The following CCHCR1 variants were observed in gnomAD, a reference collection of about 807,000 sequenced individuals.
CCHCR1 encodes the protein coiled-coil alpha-helical rod protein 1.
CCHCR1 carries 91 observed loss-of-function variants against 114.6 expected under a neutral mutation model. The ratio of observed to expected loss-of-function variants is 0.79; its 90% confidence interval spans 0.67 to 0.94. The LOEUF is 0.94. Ranked by LOEUF, CCHCR1 falls within the 40% of genes least tolerant of loss-of-function variation. CCHCR1 has a pLI of 0.00. For synonymous variants in CCHCR1, 379 were observed against 428.5 expected (o/e 0.88, Z 1.43); for missense variants, 899 against 1,079.9 (o/e 0.83, Z 2.35).
Position 31,145,086 on chromosome 6 carries a change from G to A in CCHCR1, c.1877-13C>T. On this transcript the variant is annotated splice_polypyrimidine_tract_variant and intron_variant, in intron 13 of 17. Transcript: ENST00000396268. ...CGCTCTGCCTCCCCTAAAAGGAGGG[G>A]GTGCTGGGTCAGGCCTCTCCCAGCA... 6.3e-7 allele frequency: 1 copy of A among 1,599,512 alleles called. No individual in the cohort carries two copies. The highest frequency in any genetic ancestry group is 2.2e-5 in the East Asian group (1 of 44,752).
chr6:31,152,295 A>AC (rs1172221324), intron 4 of CCHCR1, among the ~76,000 whole-genome samples: 4 of 151,844 alleles, frequency 2.6e-5, no homozygotes, highest in African/African-American at 9.7e-5. Context: ...AAAAAAAAAA[A>AC]AACAACCTTT....
Position 31,150,686 on chromosome 6 carries a change from T to G in CCHCR1, c.1101+39A>C. 1 of 1,605,498 alleles carries G rather than the reference T, an allele frequency of 6.2e-7. No individual in the cohort carries two copies. Among genetic ancestry groups the G allele is most frequent in the Non-Finnish European group, 8.5e-7 (1 of 1,175,632 alleles). On this transcript the variant is annotated intron_variant, in intron 6 of 17. Coordinates refer to ENST00000396268, the MANE Select transcript of CCHCR1 (RefSeq NM_001105564.2). This position sits in a 1 kb window ranked among gnomAD's most constrained non-coding sequence, Gnocchi z 5.3. Reference sequence around the variant, plus strand: ...GGGCCACGCTTGCCTCCCAACCTGATCCCTAAGTCTGCACACAGATACATT... The same window carrying G: ...GGGCCACGCTTGCCTCCCAACCTGAGCCCTAAGTCTGCACACAGATACATT...
chr6:31,142,744 C>T, intron 17 of CCHCR1, 28 bp from the exon 18 acceptor site: 1 of 1,595,040 alleles, frequency 6.3e-7, no homozygotes. Context: ...AGATGAGCAC[C>T]AGACAAGGGA....
In CCHCR1 at chr6:31,157,520, A is replaced by G; in HGVS notation, c.81T>C (p.Cys27=). ...GKDPRVMACW[C]LDGLPSGLAE... Reference sequence around the variant, plus strand: ...CAAGGCCTGAGGGAAGCCCATCCAGACACCAGCAGGCCATGACTCTTGGGT... The same window carrying G: ...CAAGGCCTGAGGGAAGCCCATCCAGGCACCAGCAGGCCATGACTCTTGGGT... Residue 27 remains cysteine (C), a synonymous_variant, in exon 1 of 18, where the codon TGT becomes TGC. Coordinates refer to ENST00000396268, the MANE Select transcript of CCHCR1 (RefSeq NM_001105564.2). 1 of 1,612,984 alleles carries G rather than the reference A, an allele frequency of 6.2e-7. No individual in the cohort carries two copies. The highest frequency in any genetic ancestry group is 8.5e-7 in the Non-Finnish European group (1 of 1,180,014).
At chr6:31,145,384 G>C in intron 12 of CCHCR1, 64 bp downstream of exon 12, 1 of 1,612,664 alleles carries the variant, frequency 6.2e-7, no homozygotes, top group Non-Finnish European at 8.5e-7. Flanking sequence ...AGTCCTCATG[G>C]TTTTGGGGGT....
intron 9 of CCHCR1, 52 bp from the exon 10 acceptor site, chr6:31,148,563 C>T: frequency 1.9e-6 from 3 of 1,595,704 alleles, no homozygotes; most frequent in South Asian, 1.1e-5. Context: ...CTGGCTGCAG[C>T]CCCGGAACAG....
rs757613605 is a variant in CCHCR1, at chr6:31,157,392, C to T, written c.209G>A (p.Arg70Lys). The T allele has an allele frequency of 1.9e-6, 3 of 1,612,592 alleles. No individual in the cohort carries two copies. The highest frequency in any genetic ancestry group is 2.5e-6 in the Non-Finnish European group (3 of 1,179,590). Residue 70 changes from arginine (R) to lysine (K), a missense_variant, in exon 1 of 18, where the codon AGG (arginine) becomes AAG (lysine). Coordinates refer to ENST00000396268, the MANE Select transcript of CCHCR1 (RefSeq NM_001105564.2). ...ARSSRDHRNL[R>K]RRGNIDGWRQ... ...TCTGGGCAGTGCCTCTACCCTCCTC[C>T]TTAAGTTTCTATGGTCCCTGCTGCT...
At position 31,150,604 on chromosome 6, in the gene CCHCR1, A is replaced by G. The variant is rs775348569; in HGVS notation, c.1102-39T>C. ...AAAGCAGCCCCTCTGTAGGGCCTCC[A>G]TGCCGCCTTAGGTACCACCTTCTCT... On this transcript the variant is annotated intron_variant, in intron 6 of 17. Coordinates refer to ENST00000396268, the MANE Select transcript of CCHCR1 (RefSeq NM_001105564.2). The surrounding 1 kb of genome is among the most constrained non-coding windows in gnomAD (Gnocchi z 5.3). The G allele has an allele frequency of 6.9e-6, 11 of 1,596,082 alleles. No homozygotes were observed. The highest frequency in any genetic ancestry group is 8.6e-6 in the Non-Finnish European group (10 of 1,168,340).
At position 31,145,446 on chromosome 6, in the gene CCHCR1, A is replaced by C. The variant is rs1199795235; in HGVS notation, c.1739+2T>G. 1 of 1,613,866 alleles carries C rather than the reference A, an allele frequency of 6.2e-7. No homozygotes were observed. The highest frequency in any genetic ancestry group is 8.5e-7 in the Non-Finnish European group (1 of 1,179,990). ...ATCCACCTCAAAGTGCCCAAACTTC[A>C]CCTCTCCTGGCGCAGCTGAGCAAGG... On this transcript the variant is annotated splice_donor_variant, in intron 12 of 17. Transcript: ENST00000396268. LOFTEE classifies it high-confidence loss of function.
intron 4 of CCHCR1, among the ~76,000 whole-genome samples, chr6:31,153,017 G>A (rs116623790): frequency 0.042 from 6,442 of 152,102 alleles, 212 homozygotes; most frequent in Middle Eastern, 0.088. Context: ...TTTTAGTCTC[G>A]CTCTGCTGCC....
chr6:31,151,208 T>C lies in CCHCR1; in HGVS notation c.802-86A>G. The C allele has an allele frequency of 6.9e-7, 1 of 1,440,250 alleles. No homozygotes were observed. The highest frequency in any genetic ancestry group is 9.4e-7 in the Non-Finnish European group (1 of 1,067,828). The allele number at this position is 1,440,250 out of a possible 1,614,324, so 89.2% of individuals were successfully genotyped here. A position where few individuals can be genotyped will look rare whatever the true frequency, so the allele number is the denominator to read the frequency against. Reference sequence around the variant, plus strand: ...CCTTCACTCCCACTTTCTGTGACCTTAGAGAATGACCCAACCAATCAGCCA... The same window carrying C: ...CCTTCACTCCCACTTTCTGTGACCTCAGAGAATGACCCAACCAATCAGCCA... On this transcript the variant is annotated intron_variant, in intron 4 of 17. Transcript: ENST00000396268. The surrounding 1 kb of genome is among the most constrained non-coding windows in gnomAD (Gnocchi z 4.1).
chr6:31,148,327 G>T, intron 10 of CCHCR1, 78 bp downstream of exon 10: 5 of 890,630 alleles, frequency 5.6e-6, no homozygotes, highest in Non-Finnish European at 9.0e-6. Context: ...CCTCTTGCCT[G>T]AGGATCCTCA....
Position 31,148,690 on chromosome 6 carries a change from C to T in CCHCR1, c.1401G>A (p.Gln467=). 6.2e-7 allele frequency: 1 copy of T among 1,612,970 alleles called. No homozygotes were observed. The highest frequency in any genetic ancestry group is 1.3e-5 in the African/African-American group (1 of 75,046). The change falls in exon 9 of 18, where the codon CAG becomes CAA. Residue 467 remains glutamine, a synonymous_variant. Transcript: ENST00000396268. ...GGGATCGCTGCAGGATGGCCTGCTC[C>T]TGGCTCTGGGATGTCACTTTTTCCT... The part of the protein sequence containing the change: ...SLQEKVTSQS[Q]EQAILQRSLQ...
chr6:31,150,833 C>T lies in CCHCR1; in HGVS notation c.993G>A (p.Gln331=), dbSNP rs1463054533. Residue 331 remains glutamine, a synonymous_variant, in exon 6 of 18, where the codon CAG becomes CAA. Transcript: ENST00000396268. The surrounding 1 kb of genome is among the most constrained non-coding windows in gnomAD (Gnocchi z 5.3). ...TTCTTAGATTCTCAACCAGGGTCAC[C>T]TGAGCCTCCAAGTCTTCCTGGGTCT... ...LSKTQEDLEA[Q]VTLVENLRKY... 1 of 1,612,930 alleles carries T rather than the reference C, an allele frequency of 6.2e-7. No homozygotes were observed. Among genetic ancestry groups the T allele is most frequent in the Non-Finnish European group, 8.5e-7 (1 of 1,180,004 alleles).
At position 31,150,082 on chromosome 6, in the gene CCHCR1, T is replaced by G. The variant is rs1260182947; in HGVS notation, c.1346A>C (p.Lys449Thr). Residue 449 changes from lysine to threonine, a missense_variant, in exon 8 of 18, where the codon AAG becomes ACG. By Grantham distance (78) the Lys-to-Thr change is moderately conservative. Transcript: ENST00000396268. The surrounding 1 kb of genome is among the most constrained non-coding windows in gnomAD (Gnocchi z 5.3). ...AQELEHSDSV[K>T]QLKGQVASLQ... ...TGCAGTGACCTGTCCCTTCAGCTGC[T>G]TAACAGAGTCACTGTGTTCCAGCTC... 2.5e-6 allele frequency: 4 copies of G among 1,614,058 alleles called. No homozygotes were observed. Among genetic ancestry groups the G allele is most frequent in the Non-Finnish European group, 3.4e-6 (4 of 1,180,036 alleles).
At position 31,148,651 on chromosome 6, in the gene CCHCR1, G is replaced by A. The variant is rs753727040; in HGVS notation, c.1440C>T (p.Ala480=). The A allele has an allele frequency of 1.6e-5, 26 of 1,612,738 alleles. No individual in the cohort carries two copies. Among genetic ancestry groups the A allele is most frequent in the South Asian group, 3.3e-5 (3 of 91,086 alleles). ...AILQRSLQDK[A]AEVEVERMGA... is the part of the protein sequence containing the mutation. ...CCATACGCTCCACCTCCACCTCTGC[G>A]GCTTTGTCCTGCAGGGATCGCTGCA... Residue 480 remains alanine, a synonymous_variant, in exon 9 of 18, where the codon GCC becomes GCT. Coordinates refer to ENST00000396268, the MANE Select transcript of CCHCR1 (RefSeq NM_001105564.2).
Position 31,157,400 on chromosome 6 carries a change from T to G in CCHCR1, c.201A>C (p.Arg67Ser). ...GTGCCTCTACCCTCCTCCTTAAGTT[T>G]CTATGGTCCCTGCTGCTCCTGGCCA... ...SPLARSSRDH[R>S]NLRRRGNIDG... Residue 67 changes from arginine to serine, a missense_variant, in exon 1 of 18, where the codon AGA becomes AGC. Arg to Ser is a moderately radical substitution (Grantham distance 110, BLOSUM62 -1). Coordinates refer to ENST00000396268, the MANE Select transcript of CCHCR1 (RefSeq NM_001105564.2). 1 of 1,612,954 alleles carries G rather than the reference T, an allele frequency of 6.2e-7. No individual in the cohort carries two copies. The highest frequency in any genetic ancestry group is 8.5e-7 in the Non-Finnish European group (1 of 1,179,900).
Position 31,148,719 on chromosome 6 carries a change from G to T in CCHCR1, c.1372C>A (p.Leu458Ile), listed in dbSNP as rs780859464. Residue 458 changes from leucine (L) to isoleucine (I), a missense_variant, in exon 9 of 18, where the codon CTC (leucine) becomes ATC (isoleucine). By Grantham distance (5) the Leu-to-Ile change is conservative (BLOSUM62 2). Coordinates refer to ENST00000396268, the MANE Select transcript of CCHCR1 (RefSeq NM_001105564.2). ...VKQLKGQVAS[L>I]QEKVTSQSQE... ...CTCTGGGATGTCACTTTTTCCTGGA[G>T]TGAGGCCACCTGGGGGAGGAGAGAG... 6.2e-7 allele frequency: 1 copy of T among 1,608,420 alleles called. No individual in the cohort carries two copies. The highest frequency in any genetic ancestry group is 1.1e-5 in the South Asian group (1 of 90,970).
Position 31,154,544 on chromosome 6 carries a change from C to G in CCHCR1, c.753G>C (p.Glu251Asp). Residue 251 changes from glutamate to aspartate, a missense_variant, in exon 4 of 18, where the codon GAG becomes GAC. Transcript: ENST00000396268. This position sits in a 1 kb window ranked among gnomAD's most constrained non-coding sequence, Gnocchi z 4.1. Reference protein sequence around the residue: ...GAEVVRKNLEEGSQRELEEVQ... With the variant: ...GAEVVRKNLEDGSQRELEEVQ... ...CCTCTTCCAGCTCCCGCTGGCTCCC[C>G]TCTTCCAAGTTCTTCCGGACAACCT... 6.2e-7 allele frequency: 1 copy of G among 1,612,992 alleles called. No homozygotes were observed. The highest frequency in any genetic ancestry group is 8.5e-7 in the Non-Finnish European group (1 of 1,179,934).
Sources: allele counts gnomAD v4.1 joint callset (sites outside exome capture counted in the v4.1 genomes callset), GRCh38; gene constraint gnomAD v4.1.1; non-coding constraint Gnocchi (gnomAD v3.1); transcripts MANE v1.5; gene names NCBI Gene and HGNC (gene_info 2026-07-23, HGNC 2026-07-21).